CX3CR1: variants seen among roughly 807,000 people sequenced by gnomAD.
CX3CR1 encodes the protein CX3C chemokine receptor 1.
For missense variants in CX3CR1, 363 were observed against 432.4 expected, an observed-to-expected ratio of 0.84 and a Z score of 1.42; for synonymous variants, 168 against 178.5, an observed-to-expected ratio of 0.94 and a Z score of 0.47.
upstream of CX3CR1, chr3:39,281,183 G>T: frequency 5.9e-6 from 6 of 1,021,668 alleles, no homozygotes; most frequent in Non-Finnish European, 7.0e-6. Context: ...CATGGTGGAA[G>T]AAGTCCACCA....
chr3:39,283,637 A>G (rs149810846), upstream of CX3CR1, among the ~76,000 whole-genome samples: 15,861 of 150,868 alleles, frequency 0.11, 848 homozygotes, highest in South Asian at 0.12. Flanking sequence ...AAAATTAGCC[A>G]GGCGTGGTGG....
the CX3CR1 span, among the ~76,000 whole-genome samples, chr3:39,290,911 G>C: frequency 1.3e-5 from 2 of 152,030 alleles, 1 homozygote; most frequent in South Asian, 4.2e-4. Context: ...GACACTGCGA[G>C]ACTCTGACTC....
intron 1 of CX3CR1, among the ~76,000 whole-genome samples, chr3:39,274,481 C>CAAAAAAAAA (rs10663570): frequency 2.3e-5 from 2 of 88,296 alleles, no homozygotes; most frequent in African/African-American, 9.0e-5. Flanking sequence ...CAACCACCAC[C>CAAAAAAAAA]AAAAAAAAAA....
At chr3:39,283,815 A>T (rs1415134805), upstream of CX3CR1, among the ~76,000 whole-genome samples, 193 of 67,660 alleles carry the variant, frequency 2.9e-3, 4 homozygotes, top group African/African-American at 0.013. Context: ...ATATATATAT[A>T]TATATATATA....
chr3:39,275,810 T>A (rs2040833830), intron 1 of CX3CR1, among the ~76,000 whole-genome samples: 2 of 152,056 alleles, frequency 1.3e-5, no homozygotes, highest in African/African-American at 4.8e-5. Flanking sequence ...TTCCTAGAAG[T>A]GTTTATTATT....
chr3:39,274,195 C>G (rs2040811806), intron 1 of CX3CR1, among the ~76,000 whole-genome samples: 1 of 152,044 alleles, frequency 6.6e-6, no homozygotes, highest in Admixed American at 6.6e-5. Context: ...GTTTGGGAAG[C>G]CAAGTTTTAC....
At chr3:39,286,636 C>A (rs963026286), upstream of CX3CR1, 1 of 120,930 alleles carries the variant, frequency 8.3e-6, no homozygotes, top group South Asian at 2.9e-4. Flanking sequence ...CCGGCCTGGG[C>A]GACAGAGCGA....
At chr3:39,268,321 G>A (rs1274599070) in intron 1 of CX3CR1, among the ~76,000 whole-genome samples, 1 of 152,202 alleles carries the variant, frequency 6.6e-6, no homozygotes, top group Non-Finnish European at 1.5e-5. Flanking sequence ...ATAATCTCTG[G>A]CTGTGACGTT....
At chr3:39,273,482 GC>G (rs1338252940) in intron 1 of CX3CR1, among the ~76,000 whole-genome samples, 1 of 152,202 alleles carries the variant, frequency 6.6e-6, no homozygotes, top group Non-Finnish European at 1.5e-5. Flanking sequence ...TTTCACAGGA[GC>G]CCATACATTT....
chr3:39,283,797 ATATATAT>A (rs1559371947), upstream of CX3CR1, among the ~76,000 whole-genome samples: 5 of 23,730 alleles, frequency 2.1e-4, no homozygotes, highest in Non-Finnish European at 4.5e-4. Context: ...AAAAAAAATT[ATATATAT>A]ATATATATAT....
chr3:39,282,573 C>T (rs1012985252), upstream of CX3CR1, among the ~76,000 whole-genome samples: 3 of 152,128 alleles, frequency 2.0e-5, no homozygotes, highest in Non-Finnish European at 1.5e-5. Flanking sequence ...ATGGTGGGGA[C>T]ACCCTGGACA....
At chr3:39,287,590 C>T in the CX3CR1 span, 32,334 of 151,988 alleles carry the variant, frequency 0.21, 3,840 homozygotes, top group African/African-American at 0.29. Flanking sequence ...CATTTATTTT[C>T]GACAAATTTG....
chr3:39,265,337 T>C lies in CX3CR1; in HGVS notation c.*105A>G. 8.0e-7 allele frequency: 1 copy of C among 1,245,044 alleles called. No individual in the cohort carries two copies. Among genetic ancestry groups the C allele is most frequent in the Non-Finnish European group, 1.1e-6 (1 of 894,270 alleles). The allele number at this position is 1,245,044 out of a possible 1,614,324, so 77.1% of individuals were successfully genotyped here. A position where few individuals can be genotyped will look rare whatever the true frequency, so the allele number is the denominator to read the frequency against. On this transcript the variant is annotated 3_prime_UTR_variant, in exon 2 of 2. Coordinates refer to ENST00000399220, the MANE Select transcript of CX3CR1 (RefSeq NM_001337.4). ...GGTTGTTTTGTGTGCATTGGGTCCA[T>C]CATTTTGTGCCTGTAAGAAATAACA...
upstream of CX3CR1, chr3:39,281,549 G>T: frequency 2.8e-6 from 4 of 1,454,348 alleles, no homozygotes; most frequent in Non-Finnish European, 3.8e-6. Flanking sequence ...TCCAGGGCCT[G>T]GATAATTTCC....
chr3:39,286,657 CAAAAAAAAAAA>C (rs1191872396), upstream of CX3CR1: 1 of 81,634 alleles, frequency 1.2e-5, no homozygotes, highest in Non-Finnish European at 2.4e-5. Flanking sequence ...GACTCCGTCT[CAAAAAAAAAAA>C]AAAAAAAAAA....
chr3:39,267,046 A>T (rs886502147), intron 1 of CX3CR1, among the ~76,000 whole-genome samples: 2 of 152,114 alleles, frequency 1.3e-5, no homozygotes, highest in African/African-American at 4.8e-5. Context: ...AGCCTCCCAA[A>T]ATGCTAGGAT....
At chr3:39,283,807 A>ATATATATG, upstream of CX3CR1, among the ~76,000 whole-genome samples, 1 of 56,812 alleles carries the variant, frequency 1.8e-5, no homozygotes, top group East Asian at 4.2e-4. Flanking sequence ...ATATATATAT[A>ATATATATG]TATATATATA....
upstream of CX3CR1, chr3:39,286,293 G>A (rs4271865): frequency 0.29 from 43,723 of 152,274 alleles, 7,675 homozygotes; most frequent in East Asian, 0.71. Context: ...TCACTGACAC[G>A]AAGAGACTAA....
At chr3:39,283,837 ATATAAT>A (rs1171546823), upstream of CX3CR1, among the ~76,000 whole-genome samples, 10 of 126,412 alleles carry the variant, frequency 7.9e-5, no homozygotes, top group Non-Finnish European at 1.2e-4. Flanking sequence ...ATATATATAT[ATATAAT>A]GTGGTTAATA....
Sources: gnomAD v4.1 joint callset for allele counts (sites outside exome capture counted in the v4.1 genomes callset) on GRCh38, gnomAD v4.1.1 for gene constraint, MANE v1.5 for transcripts, NCBI Gene and HGNC (gene_info 2026-07-23, HGNC 2026-07-21) for gene names.